FMNL2: variants seen among roughly 807,000 people sequenced by gnomAD.
FMNL2 encodes formin like 2, also known as formin-like protein 2.
FMNL2 carries 51 observed loss-of-function variants against 130.2 expected under a neutral mutation model. That is an observed-to-expected ratio of 0.39 (90% CI 0.31 to 0.49). FMNL2 has a LOEUF of 0.49. FMNL2 is among the 20% of genes least tolerant of loss of function. The pLI is 0.85. For synonymous variants in FMNL2, 465 were observed against 467.1 expected (o/e 1.00, Z 0.06); for missense variants, 977 against 1,316.2 (o/e 0.74, Z 3.99).
At chr2:152,478,392 C>T (rs907333286) in intron 1 of FMNL2, among the ~76,000 whole-genome samples, 3 of 151,526 alleles carry the variant, frequency 2.0e-5, no homozygotes, top group Non-Finnish European at 2.9e-5. Flanking sequence ...CACGCGCCAA[C>T]GTGCCCAGCT....
At chr2:152,625,223 T>G (rs1681698581) in intron 15 of FMNL2, 1 of 472,610 alleles carries the variant, frequency 2.1e-6, no homozygotes, top group Admixed American at 3.4e-5. Context: ...AGACGTCTTT[T>G]AATACAATGA....
At chr2:152,359,235 G>C (rs139128056) in intron 1 of FMNL2, among the ~76,000 whole-genome samples, 338 of 152,258 alleles carry the variant, frequency 2.2e-3, no homozygotes, top group African/African-American at 7.9e-3. Flanking sequence ...TATTTATAGA[G>C]TCTTTTTTTG....
chr2:152,603,794 T>C (rs1698216995), intron 9 of FMNL2, among the ~76,000 whole-genome samples: 1 of 151,036 alleles, frequency 6.6e-6, no homozygotes, highest in Non-Finnish European at 1.5e-5. Context: ...GCGGCATTCC[T>C]ATGATATCCA....
chr2:152,522,066 G>A, intron 2 of FMNL2, 40 bp downstream of exon 2: 1 of 1,493,834 alleles, frequency 6.7e-7, no homozygotes, highest in Non-Finnish European at 9.2e-7. Flanking sequence ...AAAAAGTAAT[G>A]AAAGAAGAGA....
intron 1 of FMNL2, among the ~76,000 whole-genome samples, chr2:152,402,226 A>G (rs1484760737): frequency 6.6e-6 from 1 of 152,096 alleles, no homozygotes; most frequent in Non-Finnish European, 1.5e-5. Flanking sequence ...AAAAGCCCAT[A>G]AATGCTAAGC....
At chr2:152,399,549 G>A (rs1197073475) in intron 1 of FMNL2, among the ~76,000 whole-genome samples, 1 of 152,194 alleles carries the variant, frequency 6.6e-6, no homozygotes, top group African/African-American at 2.4e-5. Context: ...TCAAGGTAGA[G>A]GTGGAAGGAT....
chr2:152,429,767 A>T (rs1405354004), intron 1 of FMNL2, among the ~76,000 whole-genome samples: 1 of 152,196 alleles, frequency 6.6e-6, no homozygotes, highest in African/African-American at 2.4e-5. Context: ...TGGGGATCTA[A>T]GACCTGCTTT....
chr2:152,641,707 T>G (rs896677097), intron 25 of FMNL2, among the ~76,000 whole-genome samples: 2 of 152,180 alleles, frequency 1.3e-5, no homozygotes, highest in Admixed American at 1.3e-4. Context: ...TCTTGTTACA[T>G]GTACACTCTA....
intron 1 of FMNL2, among the ~76,000 whole-genome samples, chr2:152,369,469 G>A (rs1230598344): frequency 6.6e-6 from 1 of 152,194 alleles, no homozygotes; most frequent in Non-Finnish European, 1.5e-5. Flanking sequence ...TAATGTACTT[G>A]CTTGATGCCC....
intron 25 of FMNL2, chr2:152,644,081 C>A: frequency 5.4e-6 from 1 of 184,650 alleles, no homozygotes; most frequent in Non-Finnish European, 1.0e-5. Flanking sequence ...ATCAGCTGGG[C>A]ATGGTGGTGC....
chr2:152,382,792 A>G (rs1163558226), intron 1 of FMNL2, among the ~76,000 whole-genome samples: 1 of 152,190 alleles, frequency 6.6e-6, no homozygotes, highest in East Asian at 1.9e-4. Context: ...TCATACCTCA[A>G]TAAAGCTGGG....
intron 25 of FMNL2, among the ~76,000 whole-genome samples, chr2:152,646,148 C>CCAT (rs112226772): frequency 2.3e-5 from 3 of 128,952 alleles, no homozygotes; most frequent in African/African-American, 7.8e-5. Flanking sequence ...AGCAAAATCC[C>CCAT]CATCTCTACA....
At chr2:152,360,000 G>A (rs532766676) in intron 1 of FMNL2, among the ~76,000 whole-genome samples, 3 of 152,314 alleles carry the variant, frequency 2.0e-5, no homozygotes, top group East Asian at 3.9e-4. Context: ...AGGGCCTGGA[G>A]TAGATACAAG....
At chr2:152,490,279 G>A (rs1242625566) in intron 1 of FMNL2, among the ~76,000 whole-genome samples, 1 of 151,846 alleles carries the variant, frequency 6.6e-6, no homozygotes, top group Non-Finnish European at 1.5e-5. Flanking sequence ...AGTGGTTGGG[G>A]GGAGTGGGAG....
rs1424333138 is a variant in FMNL2, at chr2:152,643,641, A to G, written c.3169+2727A>G. 2.7e-6 allele frequency: 4 copies of G among 1,475,512 alleles called. No individual in the cohort carries two copies. In the Admixed American group the frequency reaches 6.9e-5, roughly 25 times the overall value. The allele number at this position is 1,475,512 out of a possible 1,614,324, so 91.4% of individuals were successfully genotyped here. A position where few individuals can be genotyped will look rare whatever the true frequency, so the allele number is the denominator to read the frequency against. On this transcript the variant is annotated intron_variant, in intron 25 of 25. Transcript: ENST00000288670. ...GGAATTGCCATCTCCATCATGTTAT[A>G]TTTTGTGTTGTTCTCATGCTGCATG...
At chr2:152,487,014 A>G (rs1481146178) in intron 1 of FMNL2, among the ~76,000 whole-genome samples, 3 of 152,226 alleles carry the variant, frequency 2.0e-5, no homozygotes, top group African/African-American at 7.2e-5. Context: ...CTTTTGCATA[A>G]TCCAGACAAT....
intron 9 of FMNL2, among the ~76,000 whole-genome samples, chr2:152,605,823 C>T (rs191048864): frequency 1.6e-4 from 24 of 152,330 alleles, no homozygotes; most frequent in African/African-American, 5.3e-4. Context: ...TTCACTTTAA[C>T]GTTCCCAGCG....
chr2:152,612,268 T>C (rs575804927), intron 11 of FMNL2, among the ~76,000 whole-genome samples: 18 of 152,270 alleles, frequency 1.2e-4, no homozygotes, highest in African/African-American at 4.1e-4. Context: ...CACCTGTAAT[T>C]CCAGCACTTT....
At chr2:152,526,043 A>G (rs1013629194) in intron 2 of FMNL2, among the ~76,000 whole-genome samples, 1 of 152,228 alleles carries the variant, frequency 6.6e-6, no homozygotes, top group Non-Finnish European at 1.5e-5. Flanking sequence ...TAAATTTTCT[A>G]AAACATTAAA....
Sources: allele counts gnomAD v4.1 joint callset (sites outside exome capture counted in the v4.1 genomes callset), GRCh38; gene constraint gnomAD v4.1.1; transcripts MANE v1.5; gene names NCBI Gene and HGNC (gene_info 2026-07-23, HGNC 2026-07-21).